The following CDK19 variants were observed in gnomAD, a reference collection of about 807,000 sequenced individuals.
CDK19 encodes the protein cyclin dependent kinase 19.
Under a neutral mutation model 68.3 loss-of-function variants are expected in CDK19, and 20 were observed. The observed-to-expected ratio is 0.29, with a 90% CI of 0.21 to 0.43. The LOEUF is 0.43. Ranked by LOEUF, CDK19 falls within the 20% of genes least tolerant of loss-of-function variation. CDK19 has a pLI of 1.00. For missense variants in CDK19, 339 were observed against 623.5 expected, an observed-to-expected ratio of 0.54 and a Z score of 4.86; for synonymous variants, 221 against 222.8, an observed-to-expected ratio of 0.99 and a Z score of 0.07.
chr6:110,776,542 C>T (rs1780410539), intron 1 of CDK19, among the ~76,000 whole-genome samples: 1 of 152,090 alleles, frequency 6.6e-6, no homozygotes, highest in Non-Finnish European at 1.5e-5. Context: ...CCAAAAGAGC[C>T]TAGAATAGTT....
At chr6:110,795,623 A>T (rs1385004162) in intron 1 of CDK19, among the ~76,000 whole-genome samples, 1 of 152,242 alleles carries the variant, frequency 6.6e-6, no homozygotes, top group Admixed American at 6.6e-5. Flanking sequence ...AGCCTTAAAC[A>T]ACTAATACCC....
At position 110,631,690 on chromosome 6, in the gene CDK19, A is replaced by G. The variant is rs139283225; in HGVS notation, c.646+340T>C. On this transcript the variant is annotated intron_variant, in intron 6 of 12. Transcript: ENST00000368911. The stretch of plus-strand genomic sequence containing the variant: ...TGCACTACTCCTGTTTTTGTTTTTC[A>G]TTTTGTGAAGAAAACAATTCTCAAC... Among the ~76,000 whole-genome samples, 26 of 152,254 alleles carry G rather than the reference A, an allele frequency of 1.7e-4. 1 individual carries two copies. The highest frequency in any genetic ancestry group is 1.5e-3 in the East Asian group (8 of 5,184).
At position 110,621,113 on chromosome 6, in the gene CDK19, C is replaced by T. The variant is rs780395226; in HGVS notation, c.1368G>A (p.Ser456=). 4.3e-6 allele frequency: 7 copies of T among 1,612,274 alleles called. No individual in the cohort carries two copies. The highest frequency in any genetic ancestry group is 5.1e-6 in the Non-Finnish European group (6 of 1,179,206). ...GACATTCAGGGAGTACCTGATAATCCGAGGGCATCACAGGTCCACCTGAGT... is the reference window on the plus strand; with the variant it reads ...GACATTCAGGGAGTACCTGATAATCTGAGGGCATCACAGGTCCACCTGAGT... The part of the protein sequence containing the change: ...GANSGGPVMP[S]DYQHSSSRLN... Residue 456 remains serine (S), a synonymous_variant, in exon 12 of 13, where the codon TCG becomes TCA. Coordinates refer to ENST00000368911, the MANE Select transcript of CDK19 (RefSeq NM_015076.5). This position sits in a 1 kb window ranked among gnomAD's most constrained non-coding sequence, Gnocchi z 5.4.
At chr6:110,746,341 T>C (rs934818286) in intron 1 of CDK19, 140 bp from the exon 2 acceptor site, 2 of 477,788 alleles carry the variant, frequency 4.2e-6, no homozygotes, top group East Asian at 7.0e-5. Context: ...CTTATTATTT[T>C]TGATAATATT....
intron 1 of CDK19, among the ~76,000 whole-genome samples, chr6:110,754,697 C>T (rs1043832823): frequency 6.6e-6 from 1 of 152,018 alleles, no homozygotes; most frequent in Non-Finnish European, 1.5e-5. Flanking sequence ...GGCCAGGATG[C>T]TCTCGATCTC....
At chr6:110,731,132 AAAGAAAAAAGAAAAG>A (rs1373628422) in intron 2 of CDK19, among the ~76,000 whole-genome samples, 1 of 146,070 alleles carries the variant, frequency 6.8e-6, no homozygotes, top group African/African-American at 2.8e-5. Context: ...AAAGAAAAGA[AAAGAAAAAAGAAAAG>A]AAAAGAAAAG....
At chr6:110,803,973 G>T (rs1253578680) in intron 1 of CDK19, among the ~76,000 whole-genome samples, 1 of 152,028 alleles carries the variant, frequency 6.6e-6, no homozygotes, top group Admixed American at 6.6e-5. Flanking sequence ...CTCAAGAAAA[G>T]AAAGAGAAGA....
At chr6:110,765,538 G>A (rs1324608423) in intron 1 of CDK19, among the ~76,000 whole-genome samples, 2 of 151,714 alleles carry the variant, frequency 1.3e-5, no homozygotes, top group Non-Finnish European at 2.9e-5. Context: ...AAACTTAGCT[G>A]GGTGTGGTGG....
At chr6:110,789,032 A>G (rs566081960) in intron 1 of CDK19, among the ~76,000 whole-genome samples, 1 of 152,302 alleles carries the variant, frequency 6.6e-6, no homozygotes, top group East Asian at 1.9e-4. Context: ...CAGAGAGACA[A>G]ATTGCTTATG....
At chr6:110,815,489 G>C (rs1048812955), upstream of CDK19, 1 of 181,044 alleles carries the variant, frequency 5.5e-6, no homozygotes, top group South Asian at 1.6e-4. Flanking sequence ...CATGGTCGCG[G>C]AGGCTCCTGG....
chr6:110,728,271 G>C (rs530737273), intron 2 of CDK19, among the ~76,000 whole-genome samples: 1 of 145,686 alleles, frequency 6.9e-6, no homozygotes, highest in Non-Finnish European at 1.5e-5. Flanking sequence ...CTGGGTGACA[G>C]AGCAAGACTC....
chr6:110,798,220 C>A (rs1330808643), intron 1 of CDK19, among the ~76,000 whole-genome samples: 1 of 151,652 alleles, frequency 6.6e-6, no homozygotes, highest in African/African-American at 2.4e-5. Context: ...ATTAAGAAGG[C>A]ACTTAATAGT....
chr6:110,803,636 C>T (rs186906260), intron 1 of CDK19, among the ~76,000 whole-genome samples: 5 of 152,274 alleles, frequency 3.3e-5, no homozygotes, highest in Non-Finnish European at 7.4e-5. Flanking sequence ...ATAGGATTTA[C>T]TCAGTGTTTA....
At chr6:110,702,123 T>C (rs1774063819) in intron 2 of CDK19, among the ~76,000 whole-genome samples, 1 of 150,780 alleles carries the variant, frequency 6.6e-6, no homozygotes, top group African/African-American at 2.4e-5. Context: ...CCTGGGTGAC[T>C]GAGCAAGATT....
chr6:110,744,731 T>G (rs1354000202), intron 2 of CDK19, among the ~76,000 whole-genome samples: 1 of 152,162 alleles, frequency 6.6e-6, no homozygotes, highest in Non-Finnish European at 1.5e-5. Flanking sequence ...GAGGCTCCCA[T>G]TCTAGAATTA....
intron 6 of CDK19, among the ~76,000 whole-genome samples, chr6:110,630,487 C>A (rs1228216032): frequency 6.6e-6 from 1 of 152,158 alleles, no homozygotes; most frequent in Non-Finnish European, 1.5e-5. Context: ...TAAGGAGAGA[C>A]CTAAATGACA....
chr6:110,759,261 C>T (rs567546926), intron 1 of CDK19, among the ~76,000 whole-genome samples: 57 of 150,782 alleles, frequency 3.8e-4, no homozygotes, highest in Non-Finnish European at 3.3e-4. Context: ...AAAAATTAGC[C>T]AGGCATGGTG....
chr6:110,767,504 G>A (rs144112018), intron 1 of CDK19, among the ~76,000 whole-genome samples: 164 of 149,514 alleles, frequency 1.1e-3, no homozygotes, highest in African/African-American at 3.9e-3. Context: ...ACAGGCATAC[G>A]TCACCATGCC....
At chr6:110,678,662 A>C (rs1249556323) in intron 2 of CDK19, among the ~76,000 whole-genome samples, 1 of 152,228 alleles carries the variant, frequency 6.6e-6, no homozygotes, top group Admixed American at 6.5e-5. Context: ...AAGAAACTGT[A>C]GAAAATCAAA....
Sources: gnomAD v4.1 joint callset for allele counts (sites outside exome capture counted in the v4.1 genomes callset) on GRCh38, gnomAD v4.1.1 for gene constraint, Gnocchi (gnomAD v3.1) non-coding constraint, MANE v1.5 for transcripts, NCBI Gene and HGNC (gene_info 2026-07-23, HGNC 2026-07-21) for gene names.